CAMKMT: variants seen among roughly 807,000 people sequenced by gnomAD.
CAMKMT encodes CaM KMT.
CAMKMT carries 53 observed loss-of-function variants against 48.0 expected under a neutral mutation model. The observed-to-expected ratio is 1.10, with a 90% CI of 0.89 to 1.39. CAMKMT has a LOEUF of 1.39. Ranked by LOEUF, CAMKMT falls within the 40% of genes most tolerant of loss-of-function variation. The pLI, the probability that CAMKMT is intolerant of heterozygous loss-of-function variation, is 0.00. For synonymous variants in CAMKMT, 165 were observed against 152.3 expected, an observed-to-expected ratio of 1.08 and a Z score of -0.61; for missense variants, 428 against 402.7, an observed-to-expected ratio of 1.06 and a Z score of -0.54.
In CAMKMT at chr2:44,678,612, A is replaced by T. The variant is rs185827272; in HGVS notation, c.377-25671A>T. On this transcript the variant is annotated intron_variant, in intron 3 of 10. Transcript: ENST00000378494. Reference sequence around the variant, plus strand: ...TATTTTTTTTCCTACAGCAGGTTTTACTCAGCAAAAAACGGACAATACTAC... The same window carrying T: ...TATTTTTTTTCCTACAGCAGGTTTTTCTCAGCAAAAAACGGACAATACTAC... Among the ~76,000 whole-genome samples, 33 of 152,332 alleles carry T rather than the reference A, an allele frequency of 2.2e-4. No individual in the cohort carries two copies. In the East Asian group the frequency reaches 6.4e-3, roughly 29 times the overall value.
At chr2:44,390,154 A>C in intron 2 of CAMKMT, 87 bp from the exon 3 acceptor site, 1 of 925,468 alleles carries the variant, frequency 1.1e-6, no homozygotes, top group Non-Finnish European at 1.7e-6. Flanking sequence ...GGTATACCAT[A>C]ATATACAGTC....
chr2:44,522,541 C>G, intron 3 of CAMKMT, among the ~76,000 whole-genome samples: 1 of 152,152 alleles, frequency 6.6e-6, no homozygotes, highest in East Asian at 1.9e-4. Context: ...GCCTTAAGAT[C>G]TTCAGAAGTT....
chr2:44,473,340 T>G (rs1168317979), intron 3 of CAMKMT, among the ~76,000 whole-genome samples: 2 of 152,234 alleles, frequency 1.3e-5, no homozygotes, highest in Non-Finnish European at 2.9e-5. Context: ...TAACAATCTA[T>G]GTTTTAAAAA....
intron 3 of CAMKMT, among the ~76,000 whole-genome samples, chr2:44,624,158 C>T (rs369570037): frequency 6.6e-6 from 1 of 152,054 alleles, no homozygotes; most frequent in Non-Finnish European, 1.5e-5. Context: ...AAAATGAATA[C>T]TGTTGATAAA....
intron 3 of CAMKMT, among the ~76,000 whole-genome samples, chr2:44,458,999 TAAAC>T (rs998519966): frequency 2.0e-5 from 3 of 151,842 alleles, no homozygotes; most frequent in African/African-American, 2.4e-5. Flanking sequence ...AAGTGACAGA[TAAAC>T]AAATTCAACA....
chr2:44,490,011 C>G (rs919191212), intron 3 of CAMKMT, among the ~76,000 whole-genome samples: 6 of 150,636 alleles, frequency 4.0e-5, no homozygotes, highest in Non-Finnish European at 7.4e-5. Context: ...CACGCACACT[C>G]ACACACACAC....
intron 3 of CAMKMT, among the ~76,000 whole-genome samples, chr2:44,597,126 G>A (rs183307030): frequency 6.6e-6 from 1 of 152,134 alleles, no homozygotes; most frequent in Admixed American, 6.6e-5. Flanking sequence ...CTGTCTGGGG[G>A]TGTCAGTAGT....
At chr2:44,456,503 G>C (rs1202087708) in intron 3 of CAMKMT, 2 of 1,529,784 alleles carry the variant, frequency 1.3e-6, no homozygotes. Context: ...AAAAGACCTT[G>C]GAATGAAAAG....
At chr2:44,681,954 CT>C (rs982463444) in intron 3 of CAMKMT, among the ~76,000 whole-genome samples, 2 of 152,188 alleles carry the variant, frequency 1.3e-5, no homozygotes, top group African/African-American at 4.8e-5. Flanking sequence ...GAAGTTACTA[CT>C]TGTGTTAAGC....
chr2:44,645,770 G>A (rs769888421), intron 3 of CAMKMT, among the ~76,000 whole-genome samples: 2 of 152,156 alleles, frequency 1.3e-5, no homozygotes, highest in African/African-American at 2.4e-5. Flanking sequence ...GCAGTGAGCT[G>A]AGATTATGCC....
At chr2:44,608,631 T>A (rs1455974546) in intron 3 of CAMKMT, among the ~76,000 whole-genome samples, 2 of 152,162 alleles carry the variant, frequency 1.3e-5, no homozygotes, top group Non-Finnish European at 2.9e-5. Context: ...AAGAGTTAAG[T>A]TTTCCTCCCT....
At chr2:44,770,310 G>T (rs372711189) in intron 10 of CAMKMT, among the ~76,000 whole-genome samples, 1 of 152,250 alleles carries the variant, frequency 6.6e-6, no homozygotes, top group South Asian at 2.1e-4. Context: ...ATTGTGGAAA[G>T]GTCTCACAGG....
At chr2:44,700,409 C>G (rs1677195628) in intron 3 of CAMKMT, among the ~76,000 whole-genome samples, 1 of 152,348 alleles carries the variant, frequency 6.6e-6, no homozygotes, top group South Asian at 2.1e-4. Context: ...AGCTTTCAGC[C>G]TATCTCAGCT....
chr2:44,390,838 T>G (rs375612981), intron 3 of CAMKMT, among the ~76,000 whole-genome samples: 19 of 152,332 alleles, frequency 1.2e-4, no homozygotes, highest in African/African-American at 4.6e-4. Context: ...CATCAAAGCT[T>G]CTGATTAATT....
At chr2:44,676,084 C>T (rs767276979) in intron 3 of CAMKMT, among the ~76,000 whole-genome samples, 5 of 152,158 alleles carry the variant, frequency 3.3e-5, no homozygotes, top group Admixed American at 6.5e-5. Context: ...TTCAATCATC[C>T]GCATATAAAT....
intron 10 of CAMKMT, among the ~76,000 whole-genome samples, chr2:44,768,359 ATAT>A (rs1232106637): frequency 5.1e-4 from 52 of 101,532 alleles, no homozygotes; most frequent in African/African-American, 2.0e-3. Context: ...ATATATATAT[ATAT>A]TTTTTTTTTT....
At chr2:44,696,876 TAG>T (rs1676986117) in intron 3 of CAMKMT, among the ~76,000 whole-genome samples, 1 of 152,024 alleles carries the variant, frequency 6.6e-6, no homozygotes, top group Admixed American at 6.5e-5. Flanking sequence ...GAAACAGGAA[TAG>T]GATGCTTATA....
intron 3 of CAMKMT, among the ~76,000 whole-genome samples, chr2:44,514,489 A>G (rs1470965100): frequency 6.6e-6 from 1 of 152,202 alleles, no homozygotes; most frequent in Admixed American, 6.5e-5. Flanking sequence ...GCAGGCGGAC[A>G]TTGGTTTATG....
chr2:44,692,358 G>T (rs140729957), intron 3 of CAMKMT, among the ~76,000 whole-genome samples: 2 of 152,004 alleles, frequency 1.3e-5, no homozygotes, highest in East Asian at 3.9e-4. Context: ...TACTTTTATT[G>T]CTTGTACTTA....
Sources: gnomAD v4.1 joint callset for allele counts (sites outside exome capture counted in the v4.1 genomes callset) on GRCh38, gnomAD v4.1.1 for gene constraint, MANE v1.5 for transcripts, NCBI Gene and HGNC (gene_info 2026-07-23, HGNC 2026-07-21) for gene names.